Variants in CTNNA3 observed in about 807,000 individuals in gnomAD.
The protein encoded by CTNNA3 is catenin alpha-3.
A neutral mutation model predicts 95.7 loss-of-function variants in CTNNA3; 76 were observed. That is an observed-to-expected ratio of 0.79 (90% CI 0.66 to 0.96). The LOEUF is 0.96. Among genes scored for constraint, CTNNA3 ranks in the 40% least tolerant of loss-of-function variants. CTNNA3 has a pLI of 0.00. For synonymous variants in CTNNA3, 431 were observed against 374.4 expected, an observed-to-expected ratio of 1.15 and a Z score of -1.74; for missense variants, 1,191 against 1,089.8, an observed-to-expected ratio of 1.09 and a Z score of -1.31.
chr10:66,304,052 G>C (rs973540940), intron 12 of CTNNA3, among the ~76,000 whole-genome samples: 17 of 151,826 alleles, frequency 1.1e-4, no homozygotes, highest in African/African-American at 3.9e-4. Flanking sequence ...ATAGTATCCA[G>C]AAAAATAAAA....
chr10:66,772,359 A>G (rs546054827), intron 8 of CTNNA3, among the ~76,000 whole-genome samples: 2 of 150,460 alleles, frequency 1.3e-5, no homozygotes, highest in Admixed American at 1.3e-4. Flanking sequence ...TGGGAGGCGG[A>G]GGTTGCAACG....
At chr10:66,146,064 G>A (rs947685548) in intron 13 of CTNNA3, among the ~76,000 whole-genome samples, 2 of 152,142 alleles carry the variant, frequency 1.3e-5, no homozygotes, top group Non-Finnish European at 2.9e-5. Context: ...ATGTTGGCCA[G>A]GATGGTCTTG....
chr10:66,519,315 A>G (rs1840973969), intron 11 of CTNNA3, among the ~76,000 whole-genome samples: 1 of 152,190 alleles, frequency 6.6e-6, no homozygotes, highest in Non-Finnish European at 1.5e-5. Flanking sequence ...TGGGCTTCAC[A>G]TGGAATCTCA....
At chr10:67,708,620 C>G (rs1310855861) in intron 1 of CTNNA3, among the ~76,000 whole-genome samples, 1 of 152,074 alleles carries the variant, frequency 6.6e-6, no homozygotes, top group African/African-American at 2.4e-5. Flanking sequence ...ATTGTCCTGT[C>G]TTTGCAATTC....
At chr10:66,682,015 G>A (rs762927649) in intron 9 of CTNNA3, among the ~76,000 whole-genome samples, 5 of 152,164 alleles carry the variant, frequency 3.3e-5, no homozygotes, top group African/African-American at 4.8e-5. Flanking sequence ...GAAACCTGTG[G>A]GCGTGTCAGG....
chr10:67,351,888 T>C (rs1385691232), intron 5 of CTNNA3, among the ~76,000 whole-genome samples: 1 of 151,970 alleles, frequency 6.6e-6, no homozygotes, highest in Non-Finnish European at 1.5e-5. Flanking sequence ...CATACTCTGT[T>C]AGAGAAAATA....
intron 9 of CTNNA3, among the ~76,000 whole-genome samples, chr10:66,683,977 A>G (rs1393034041): frequency 2.0e-5 from 3 of 152,242 alleles, no homozygotes; most frequent in African/African-American, 7.2e-5. Flanking sequence ...TATACAAAAA[A>G]GATGGGATTT....
intron 3 of CTNNA3, among the ~76,000 whole-genome samples, chr10:67,604,861 A>ATAT (rs1296526169): frequency 6.6e-6 from 1 of 152,222 alleles, no homozygotes; most frequent in East Asian, 1.9e-4. Context: ...AACAACAAAT[A>ATAT]TATTTCAAAT....
intron 2 of CTNNA3, among the ~76,000 whole-genome samples, chr10:67,612,556 A>G (rs577475929): frequency 6.6e-6 from 1 of 152,338 alleles, no homozygotes; most frequent in East Asian, 1.9e-4. Context: ...AACACAGGCA[A>G]TAGGGTGAGA....
At chr10:66,079,750 C>T (rs756850609) in intron 14 of CTNNA3, among the ~76,000 whole-genome samples, 1 of 151,840 alleles carries the variant, frequency 6.6e-6, no homozygotes, top group Non-Finnish European at 1.5e-5. Context: ...TATAAATATG[C>T]TAATTATAGC....
chr10:66,710,719 C>G (rs988367339), intron 9 of CTNNA3, among the ~76,000 whole-genome samples: 8 of 151,242 alleles, frequency 5.3e-5, no homozygotes, highest in Non-Finnish European at 8.9e-5. Flanking sequence ...AATATATATT[C>G]TAGACATATA....
intron 7 of CTNNA3, among the ~76,000 whole-genome samples, chr10:67,126,501 A>G (rs1057500040): frequency 6.6e-6 from 1 of 152,242 alleles, no homozygotes; most frequent in African/African-American, 2.4e-5. Flanking sequence ...CAGCGAGCCA[A>G]GATTGTGCCA....
At chr10:66,714,219 T>C (rs1310619972) in intron 9 of CTNNA3, among the ~76,000 whole-genome samples, 1 of 152,148 alleles carries the variant, frequency 6.6e-6, no homozygotes, top group East Asian at 1.9e-4. Context: ...TAAATAACTT[T>C]CCCTCTTCTT....
chr10:66,004,945 G>C (rs528205575), intron 15 of CTNNA3, among the ~76,000 whole-genome samples: 34 of 152,238 alleles, frequency 2.2e-4, no homozygotes, highest in African/African-American at 7.5e-4. Flanking sequence ...TTCTGGAACT[G>C]GGAAGTCCAA....
intron 8 of CTNNA3, among the ~76,000 whole-genome samples, chr10:66,772,056 A>G (rs1465552480): frequency 1.3e-5 from 2 of 152,078 alleles, no homozygotes. Context: ...AGTCATATGT[A>G]CAAAGATGCA....
At chr10:66,962,927 C>T (rs1256639098) in intron 7 of CTNNA3, among the ~76,000 whole-genome samples, 1 of 152,100 alleles carries the variant, frequency 6.6e-6, no homozygotes, top group Middle Eastern at 3.2e-3. Context: ...GTTCACAGAT[C>T]TCTCCCCAGT....
At chr10:66,117,909 TCATCAGGCCA>T (rs1200768641) in intron 13 of CTNNA3, among the ~76,000 whole-genome samples, 3 of 152,138 alleles carry the variant, frequency 2.0e-5, no homozygotes, top group African/African-American at 7.2e-5. Flanking sequence ...GAAGTCTGGA[TCATCAGGCCA>T]CTGGCCCTGC....
At chr10:66,485,573 T>C (rs953885787) in intron 11 of CTNNA3, among the ~76,000 whole-genome samples, 8 of 152,048 alleles carry the variant, frequency 5.3e-5, no homozygotes, top group African/African-American at 9.7e-5. Flanking sequence ...TTATAAAACA[T>C]TGATGAAATA....
intron 5 of CTNNA3, among the ~76,000 whole-genome samples, chr10:67,491,974 C>G (rs571117215): frequency 1.3e-5 from 2 of 152,078 alleles, no homozygotes; most frequent in South Asian, 2.1e-4. Flanking sequence ...AGCTTGAACA[C>G]CTCATTAAGT....
Sources: gnomAD v4.1 joint callset for allele counts (sites outside exome capture counted in the v4.1 genomes callset) on GRCh38, gnomAD v4.1.1 for gene constraint, MANE v1.5 for transcripts, NCBI Gene and HGNC (gene_info 2026-07-23, HGNC 2026-07-21) for gene names.